MAGI2: variants seen among roughly 807,000 people sequenced by gnomAD.
MAGI2 encodes membrane associated guanylate kinase, WW and PDZ domain containing 2.
Under a neutral mutation model 133.3 loss-of-function variants are expected in MAGI2, and 35 were observed. The observed-to-expected ratio is 0.26, with a 90% CI of 0.20 to 0.35. The LOEUF is 0.35. MAGI2 is among the 10% of genes least tolerant of loss of function. The pLI is 1.00. For synonymous variants in MAGI2, 729 were observed against 710.6 expected, an observed-to-expected ratio of 1.03 and a Z score of -0.41; for missense variants, 1,636 against 1,863.4, an observed-to-expected ratio of 0.88 and a Z score of 2.25.
chr7:78,210,109 T>G (rs117418260), intron 10 of MAGI2, among the ~76,000 whole-genome samples: 2,273 of 152,334 alleles, frequency 0.015, 30 homozygotes, highest in Non-Finnish European at 0.023. Context: ...TTATATTTAT[T>G]AGATCATATT....
Position 78,491,382 on chromosome 7 carries a change from A to C in MAGI2, c.966-1542T>G, listed in dbSNP as rs78612372. On this transcript the variant is annotated intron_variant, in intron 5 of 21. Transcript: ENST00000354212. Reference sequence around the variant, plus strand: ...TTAATTTGAGAACTGTGACATAACGACCCTTGGGTCATGAAGTTTCTGCTC... The same window carrying C: ...TTAATTTGAGAACTGTGACATAACGCCCCTTGGGTCATGAAGTTTCTGCTC... Among the ~76,000 whole-genome samples the C allele has an allele frequency of 1.9e-4, 29 of 152,096 alleles. No individual in the cohort carries two copies. In the East Asian group the frequency reaches 5.6e-3, roughly 30 times the overall value.
chr7:78,684,234 C>G (rs752729359), intron 2 of MAGI2, among the ~76,000 whole-genome samples: 3 of 151,946 alleles, frequency 2.0e-5, no homozygotes, highest in Non-Finnish European at 4.4e-5. Context: ...ATAAACTAGG[C>G]CTTGTATTTT....
intron 3 of MAGI2, among the ~76,000 whole-genome samples, chr7:78,590,931 T>C (rs1803932427): frequency 6.6e-6 from 1 of 152,206 alleles, no homozygotes; most frequent in African/African-American, 2.4e-5. Flanking sequence ...AAGGTAAAGA[T>C]GAATGGTACT....
chr7:78,916,868 A>G (rs1401358021), intron 2 of MAGI2, among the ~76,000 whole-genome samples: 1 of 152,144 alleles, frequency 6.6e-6, no homozygotes, highest in African/African-American at 2.4e-5. Flanking sequence ...CTGAAGGCGA[A>G]TAGTTGGCTT....
At chr7:78,042,448 T>C (rs1051708630) in intron 21 of MAGI2, among the ~76,000 whole-genome samples, 1 of 152,056 alleles carries the variant, frequency 6.6e-6, no homozygotes, top group Admixed American at 6.6e-5. Context: ...GTCTGGAGGG[T>C]TATAGGCTGA....
intron 1 of MAGI2, among the ~76,000 whole-genome samples, chr7:79,399,312 T>C (rs573939402): frequency 6.6e-6 from 1 of 152,098 alleles, no homozygotes; most frequent in African/African-American, 2.4e-5. Flanking sequence ...CAGGCTGGTC[T>C]CAAACTCCTG....
intron 2 of MAGI2, among the ~76,000 whole-genome samples, chr7:78,724,513 A>G (rs112295203): frequency 6.6e-6 from 1 of 152,192 alleles, no homozygotes; most frequent in African/African-American, 2.4e-5. Flanking sequence ...GGGAGTTTAC[A>G]GAACCCAACT....
At chr7:78,364,086 A>G (rs989711900) in intron 7 of MAGI2, among the ~76,000 whole-genome samples, 1 of 151,938 alleles carries the variant, frequency 6.6e-6, no homozygotes, top group African/African-American at 2.4e-5. Flanking sequence ...ACAGCTGGCG[A>G]GCTACAGGGC....
chr7:78,195,676 C>T (rs932500998), intron 11 of MAGI2, among the ~76,000 whole-genome samples: 3 of 152,218 alleles, frequency 2.0e-5, no homozygotes, highest in Admixed American at 2.0e-4. Context: ...AATGCTGCTA[C>T]TGATGTTGCT....
intron 1 of MAGI2, among the ~76,000 whole-genome samples, chr7:79,050,111 C>A (rs1812540514): frequency 6.6e-6 from 1 of 152,092 alleles, no homozygotes; most frequent in Admixed American, 6.6e-5. Context: ...GCCCTGAAAG[C>A]ATTACCAACT....
chr7:78,347,301 A>G (rs1383294863), intron 7 of MAGI2: 1 of 152,256 alleles, frequency 6.6e-6, no homozygotes, highest in Non-Finnish European at 1.5e-5. Context: ...GAATCAGATC[A>G]TTTCAAAGCA....
chr7:78,628,728 A>G (rs1404236717), intron 2 of MAGI2, among the ~76,000 whole-genome samples: 1 of 149,528 alleles, frequency 6.7e-6, no homozygotes, highest in Non-Finnish European at 1.5e-5. Context: ...ATTTTGCAAT[A>G]TTTCCTGCTG....
At chr7:78,323,600 C>A (rs1431248782) in intron 9 of MAGI2, among the ~76,000 whole-genome samples, 1 of 152,182 alleles carries the variant, frequency 6.6e-6, no homozygotes, top group Non-Finnish European at 1.5e-5. Flanking sequence ...CTTAGTCTAA[C>A]TAGTTAGGTT....
intron 10 of MAGI2, among the ~76,000 whole-genome samples, chr7:78,216,442 G>A (rs1031155150): frequency 6.6e-6 from 1 of 152,210 alleles, no homozygotes; most frequent in Non-Finnish European, 1.5e-5. Flanking sequence ...GCTTCCCCAT[G>A]CTTGTAAGAA....
intron 1 of MAGI2, among the ~76,000 whole-genome samples, chr7:79,446,454 G>T (rs1201897767): frequency 1.3e-5 from 2 of 151,890 alleles, no homozygotes; most frequent in African/African-American, 2.4e-5. Context: ...GGCTCAAACT[G>T]CCATGGTTTT....
Position 78,881,562 on chromosome 7 carries a change from G to T in MAGI2, c.418+125528C>A, listed in dbSNP as rs186545594. Among the ~76,000 whole-genome samples the T allele has an allele frequency of 2.8e-3, 421 of 152,070 alleles. 1 individual carries two copies. Among genetic ancestry groups the T allele is most frequent in the Middle Eastern group, 0.01 (3 of 294 alleles). On this transcript the variant is annotated intron_variant, in intron 2 of 21. Transcript: ENST00000354212. ...CTGCACATTGTGAACATGTACCCTAGAACTTAAAGTATAATTTTAAAAAAT... is the reference window on the plus strand; with the variant it reads ...CTGCACATTGTGAACATGTACCCTATAACTTAAAGTATAATTTTAAAAAAT...
At chr7:78,932,477 G>A (rs548582603) in intron 2 of MAGI2, among the ~76,000 whole-genome samples, 7 of 151,676 alleles carry the variant, frequency 4.6e-5, no homozygotes, top group East Asian at 1.9e-4. Context: ...TTGAAGTTCT[G>A]TACTGAAGGT....
chr7:79,181,350 C>A (rs764783894), intron 1 of MAGI2, among the ~76,000 whole-genome samples: 2 of 151,948 alleles, frequency 1.3e-5, no homozygotes, highest in Non-Finnish European at 2.9e-5. Context: ...CAGTTCTTGA[C>A]TTCTGTGCAC....
intron 2 of MAGI2, among the ~76,000 whole-genome samples, chr7:78,854,182 G>A (rs1793423522): frequency 6.6e-6 from 1 of 151,872 alleles, no homozygotes; most frequent in African/African-American, 2.4e-5. Context: ...GTATACTCTA[G>A]AAAAATAAAT....
Sources: allele counts gnomAD v4.1 joint callset (sites outside exome capture counted in the v4.1 genomes callset), GRCh38; gene constraint gnomAD v4.1.1; transcripts MANE v1.5; gene names NCBI Gene and HGNC (gene_info 2026-07-23, HGNC 2026-07-21).